GRIK4: variants seen among roughly 807,000 people sequenced by gnomAD.
The protein encoded by GRIK4 is glutamate ionotropic receptor kainate type subunit 4, also known as glutamate receptor ionotropic, kainate 4.
A neutral mutation model predicts 104.9 loss-of-function variants in GRIK4; 40 were observed. The observed-to-expected ratio is 0.38, with a 90% CI of 0.30 to 0.50. The LOEUF (loss-of-function observed/expected upper bound fraction) is 0.50. Ranked by LOEUF, GRIK4 falls within the 20% of genes least tolerant of loss-of-function variation. GRIK4 has a pLI of 0.93. For synonymous variants in GRIK4, 485 were observed against 524.9 expected, an observed-to-expected ratio of 0.92 and a Z score of 1.04; for missense variants, 1,047 against 1,308.1, an observed-to-expected ratio of 0.80 and a Z score of 3.08.
rs146023501 is a variant in GRIK4, at chr11:120,696,768, A to G, written c.82+36368A>G. The stretch of plus-strand genomic sequence containing the variant: ...GTGGGAGCTGAGGGGGACTCCCTCA[A>G]CATGGTACCATTGCCAATGGGAGCG... On this transcript the variant is annotated intron_variant, in intron 3 of 20. Transcript: ENST00000527524. Among the ~76,000 whole-genome samples the G allele has an allele frequency of 6.1e-4, 93 of 152,224 alleles. 2 individuals carry two copies. The East Asian group carries it at 0.017, about 28-fold the overall frequency.
chr11:120,742,181 A>C (rs373872825), intron 3 of GRIK4, among the ~76,000 whole-genome samples: 2 of 152,128 alleles, frequency 1.3e-5, no homozygotes, highest in Non-Finnish European at 2.9e-5. Flanking sequence ...CCCCGTCTCT[A>C]CTAAAAATAC....
chr11:120,822,185 T>C (rs1180200868), intron 6 of GRIK4, among the ~76,000 whole-genome samples: 1 of 123,246 alleles, frequency 8.1e-6, no homozygotes, highest in Non-Finnish European at 1.6e-5. Flanking sequence ...CACTCCAACC[T>C]GGGTGACAGG....
intron 3 of GRIK4, among the ~76,000 whole-genome samples, chr11:120,785,087 C>A (rs906717152): frequency 1.3e-5 from 2 of 152,176 alleles, no homozygotes; most frequent in Admixed American, 1.3e-4. Flanking sequence ...TGCCTTCATT[C>A]CCACTCTGTC....
At chr11:120,573,968 G>T (rs1374710095) in intron 1 of GRIK4, among the ~76,000 whole-genome samples, 1 of 152,176 alleles carries the variant, frequency 6.6e-6, no homozygotes, top group African/African-American at 2.4e-5. Context: ...CAGGCTCGGG[G>T]CTGCTACCCA....
chr11:120,535,433 A>T (rs1947964588), intron 1 of GRIK4, among the ~76,000 whole-genome samples: 2 of 151,744 alleles, frequency 1.3e-5, no homozygotes, highest in African/African-American at 4.8e-5. Flanking sequence ...CTGTAAAAGG[A>T]GGGGGTAGGG....
intron 1 of GRIK4, among the ~76,000 whole-genome samples, chr11:120,566,968 ATTTTTT>A (rs572433053): frequency 0.02 from 1,993 of 99,682 alleles, 69 homozygotes; most frequent in African/African-American, 0.091. Flanking sequence ...CGGCCTCCTA[ATTTTTT>A]TTTTTTTTTT....
intron 3 of GRIK4, among the ~76,000 whole-genome samples, chr11:120,700,844 A>G (rs61901368): frequency 0.14 from 21,138 of 152,184 alleles, 1,610 homozygotes; most frequent in South Asian, 0.21. Context: ...CGTCCGCCTC[A>G]GCCTCCCAAA....
chr11:120,954,815 AC>A (rs1944099620), intron 15 of GRIK4, among the ~76,000 whole-genome samples: 1 of 79,650 alleles, frequency 1.3e-5, no homozygotes, highest in African/African-American at 5.7e-5. Flanking sequence ...ACACACACAC[AC>A]ACACACACAC....
intron 3 of GRIK4, among the ~76,000 whole-genome samples, chr11:120,772,430 T>TA (rs1951964719): frequency 6.6e-6 from 1 of 152,180 alleles, no homozygotes; most frequent in Non-Finnish European, 1.5e-5. Flanking sequence ...TACTGCATGC[T>TA]AGGCTCTGTA....
intron 1 of GRIK4, among the ~76,000 whole-genome samples, chr11:120,547,848 TG>T (rs1948100932): frequency 6.6e-6 from 1 of 152,122 alleles, no homozygotes; most frequent in Non-Finnish European, 1.5e-5. Context: ...ACCTGCTCAG[TG>T]GAAAGAGCCC....
intron 1 of GRIK4, among the ~76,000 whole-genome samples, chr11:120,512,133 A>AC (rs1037452902): frequency 2.1e-5 from 3 of 142,886 alleles, no homozygotes; most frequent in Non-Finnish European, 3.1e-5. Context: ...TCGCCGCCGA[A>AC]CCCCCCACCG....
rs183256937 is a variant in GRIK4, at chr11:120,854,839, T to C, written c.745-7120T>C. Among the ~76,000 whole-genome samples, 40 of 152,106 alleles carry C rather than the reference T, an allele frequency of 2.6e-4. No individual in the cohort carries two copies. In the East Asian group the frequency reaches 7.2e-3, roughly 27 times the overall value. On this transcript the variant is annotated intron_variant, in intron 8 of 20. Transcript: ENST00000527524. ...CTTTTCTGATTAAAAAAGAGAAAAA[T>C]AAAGAAATTAAAAGATTTTTTTTTA...
At chr11:120,777,040 A>C (rs953687001) in intron 3 of GRIK4, among the ~76,000 whole-genome samples, 2 of 152,116 alleles carry the variant, frequency 1.3e-5, no homozygotes, top group Non-Finnish European at 1.5e-5. Context: ...GGGGCTGGCT[A>C]TGACGAAGGC....
chr11:120,840,725 G>A (rs771682129), intron 8 of GRIK4, among the ~76,000 whole-genome samples: 40 of 152,122 alleles, frequency 2.6e-4, no homozygotes, highest in Admixed American at 5.2e-4. Flanking sequence ...CAGAGAACTA[G>A]TTTCTGCCTT....
At chr11:120,544,419 C>T (rs1948065671) in intron 1 of GRIK4, among the ~76,000 whole-genome samples, 1 of 152,120 alleles carries the variant, frequency 6.6e-6, no homozygotes, top group African/African-American at 2.4e-5. Flanking sequence ...CATCCTCTGC[C>T]TCCAGGGTTC....
chr11:120,963,765 T>C (rs1442776878), intron 18 of GRIK4, among the ~76,000 whole-genome samples: 1 of 152,164 alleles, frequency 6.6e-6, no homozygotes, highest in African/African-American at 2.4e-5. Context: ...CGGGATGTGT[T>C]CTGGTCACTG....
intron 1 of GRIK4, among the ~76,000 whole-genome samples, chr11:120,582,979 G>A (rs1472431065): frequency 6.6e-6 from 1 of 152,210 alleles, no homozygotes; most frequent in Non-Finnish European, 1.5e-5. Flanking sequence ...CACCAGCAGT[G>A]TATACGTGTT....
intron 1 of GRIK4, among the ~76,000 whole-genome samples, chr11:120,604,276 G>T (rs1948929134): frequency 6.6e-6 from 1 of 151,962 alleles, no homozygotes; most frequent in Non-Finnish European, 1.5e-5. Flanking sequence ...AGAATGATCT[G>T]GCCCCAGATG....
intron 9 of GRIK4, among the ~76,000 whole-genome samples, chr11:120,865,441 T>C (rs1347789295): frequency 6.6e-6 from 1 of 152,270 alleles, no homozygotes; most frequent in Non-Finnish European, 1.5e-5. Context: ...GCTCTGCTGC[T>C]CTGTCTGAGA....
Sources: gnomAD v4.1 joint callset for allele counts (sites outside exome capture counted in the v4.1 genomes callset) on GRCh38, gnomAD v4.1.1 for gene constraint, MANE v1.5 for transcripts, NCBI Gene and HGNC (gene_info 2026-07-23, HGNC 2026-07-21) for gene names.